CCDC3: variants seen among roughly 807,000 people sequenced by gnomAD.
CCDC3 encodes coiled-coil domain containing 3, also known as coiled-coil domain-containing protein 3.
A neutral mutation model predicts 21.4 loss-of-function variants in CCDC3; 24 were observed. The observed-to-expected ratio is 1.12, with a 90% CI of 0.81 to 1.58. The LOEUF (loss-of-function observed/expected upper bound fraction) is 1.58. Ranked by LOEUF, CCDC3 falls within the 40% of genes most tolerant of loss-of-function variation. The pLI is 0.00. For synonymous variants in CCDC3, 186 were observed against 166.0 expected (o/e 1.12, Z -0.93); for missense variants, 425 against 360.9 (o/e 1.18, Z -1.44).
At chr10:12,995,914 A>G (rs779762653) in intron 2 of CCDC3, among the ~76,000 whole-genome samples, 48 of 152,182 alleles carry the variant, frequency 3.2e-4, no homozygotes, top group Non-Finnish European at 5.4e-4. Context: ...TTCCAGAAAA[A>G]TGTTAGTAGC....
intron 4 of CCDC3, among the ~76,000 whole-genome samples, chr10:13,057,297 AAAC>A (rs200738055): frequency 6.6e-6 from 1 of 152,072 alleles, no homozygotes; most frequent in Non-Finnish European, 1.5e-5. Flanking sequence ...GTCTTAAAAA[AAAC>A]AATAAAAATT....
At chr10:13,044,503 C>T (rs1370849533) in intron 5 of CCDC3, among the ~76,000 whole-genome samples, 4 of 152,134 alleles carry the variant, frequency 2.6e-5, no homozygotes, top group African/African-American at 9.7e-5. Flanking sequence ...AATCCTTAAT[C>T]CATCTTGAGT....
chr10:13,040,355 TGAG>T, intron 5 of CCDC3, among the ~76,000 whole-genome samples: 3 of 152,188 alleles, frequency 2.0e-5, no homozygotes, highest in Non-Finnish European at 4.4e-5. Context: ...CAAAAGGAAG[TGAG>T]CCTTATCTAT....
intron 5 of CCDC3, among the ~76,000 whole-genome samples, chr10:13,016,502 C>G (rs1836062240): frequency 6.6e-6 from 1 of 152,008 alleles, no homozygotes; most frequent in African/African-American, 2.4e-5. Context: ...TCCTAATGTA[C>G]AACGTAAATG....
intron 5 of CCDC3, among the ~76,000 whole-genome samples, chr10:13,040,368 T>C (rs1473553793): frequency 6.6e-6 from 1 of 152,192 alleles, no homozygotes; most frequent in Non-Finnish European, 1.5e-5. Context: ...GCCTTATCTA[T>C]CAGTGGAGGT....
intron 5 of CCDC3, among the ~76,000 whole-genome samples, chr10:13,026,432 G>A (rs1419438790): frequency 6.6e-6 from 1 of 152,194 alleles, no homozygotes; most frequent in African/African-American, 2.4e-5. Context: ...GAACAAAGGT[G>A]TAGTTTTTAA....
intron 3 of CCDC3, among the ~76,000 whole-genome samples, chr10:13,076,852 G>C (rs897003042): frequency 3.9e-5 from 6 of 152,132 alleles, no homozygotes; most frequent in African/African-American, 1.4e-4. Context: ...AGTTTATATT[G>C]TGAGGTCTGG....
chr10:13,081,045 C>T (rs1222828940), intron 3 of CCDC3, among the ~76,000 whole-genome samples: 4 of 152,040 alleles, frequency 2.6e-5, no homozygotes, highest in East Asian at 1.9e-4. Context: ...GGCCTCAAGC[C>T]CCAAGATATG....
At chr10:13,083,769 T>C (rs145399220) in intron 3 of CCDC3, among the ~76,000 whole-genome samples, 1,660 of 152,362 alleles carry the variant, frequency 0.011, 21 homozygotes, top group Middle Eastern at 0.037. Context: ...GGGTTCAGTT[T>C]AGATTGTGAG....
intron 3 of CCDC3, among the ~76,000 whole-genome samples, chr10:13,080,349 C>G (rs2131446720): frequency 6.6e-6 from 1 of 152,160 alleles, no homozygotes; most frequent in Non-Finnish European, 1.5e-5. Flanking sequence ...TAAAGCATGT[C>G]AAAGATTGTC....
intron 5 of CCDC3, among the ~76,000 whole-genome samples, chr10:13,015,991 G>A (rs1284879666): frequency 6.6e-6 from 1 of 151,974 alleles, no homozygotes; most frequent in East Asian, 1.9e-4. Context: ...TTGAGGGAAT[G>A]AATACCCTAT....
At chr10:12,946,099 C>T (rs1331750014) in intron 2 of CCDC3, among the ~76,000 whole-genome samples, 2 of 152,182 alleles carry the variant, frequency 1.3e-5, no homozygotes, top group African/African-American at 4.8e-5. Flanking sequence ...GTCTTAAATG[C>T]GGCCACCCAT....
rs549776549 is a variant in CCDC3 at position 12,956,578 on chromosome 10, A to G, written c.549+41760T>C. ...ACTATATGATAATTAGGGAAACTGCATTTCTTTTGCCTGGAGCTTCTGTTG... is the reference window on the plus strand; with the variant it reads ...ACTATATGATAATTAGGGAAACTGCGTTTCTTTTGCCTGGAGCTTCTGTTG... On this transcript the variant is annotated intron_variant, in intron 2 of 2. Transcript: ENST00000378825. 2.0e-5 allele frequency among the ~76,000 whole-genome samples: 3 copies of G among 152,312 alleles called. No homozygotes were observed. The South Asian group carries it at 6.2e-4, about 32-fold the overall frequency.
chr10:13,074,965 A>G (rs1836943699), intron 3 of CCDC3, among the ~76,000 whole-genome samples: 1 of 152,202 alleles, frequency 6.6e-6, no homozygotes, highest in Admixed American at 6.5e-5. Flanking sequence ...ATGTTTTCCA[A>G]AGAGGACCCG....
chr10:12,993,439 A>G (rs903955742), intron 2 of CCDC3, among the ~76,000 whole-genome samples: 4 of 152,180 alleles, frequency 2.6e-5, no homozygotes, highest in Non-Finnish European at 4.4e-5. Flanking sequence ...CCAAAAGAAG[A>G]AAGAAGAAAA....
intron 2 of CCDC3, among the ~76,000 whole-genome samples, chr10:12,907,542 G>A (rs935958929): frequency 5.9e-5 from 9 of 152,334 alleles, no homozygotes; most frequent in African/African-American, 2.2e-4. Flanking sequence ...CTACGCGGGA[G>A]GCTGAGGCAG....
intron 4 of CCDC3, among the ~76,000 whole-genome samples, chr10:13,073,156 A>G (rs1836907634): frequency 6.6e-6 from 1 of 151,868 alleles, no homozygotes; most frequent in African/African-American, 2.4e-5. Context: ...ATGAGCCACT[A>G]TCCCTGGCCA....
chr10:13,097,328 A>G (rs1832640328), intron 3 of CCDC3, among the ~76,000 whole-genome samples: 1 of 152,196 alleles, frequency 6.6e-6, no homozygotes, highest in Non-Finnish European at 1.5e-5. Context: ...AACAGCAACA[A>G]ACACCATGAG....
At chr10:12,922,662 G>A (rs952250191) in intron 2 of CCDC3, among the ~76,000 whole-genome samples, 37 of 151,118 alleles carry the variant, frequency 2.4e-4, no homozygotes, top group African/African-American at 8.3e-4. Flanking sequence ...TCCCCCTCCC[G>A]GACCCCTTCC....
Sources: allele counts gnomAD v4.1 joint callset (sites outside exome capture counted in the v4.1 genomes callset), GRCh38; gene constraint gnomAD v4.1.1; transcripts MANE v1.5; gene names NCBI Gene and HGNC (gene_info 2026-07-23, HGNC 2026-07-21).